SIAH2: variants seen among roughly 807,000 people sequenced by gnomAD.
SIAH2 encodes E3 ubiquitin-protein ligase SIAH2.
A neutral mutation model predicts 20.4 loss-of-function variants in SIAH2; 4 were observed. That is an observed-to-expected ratio of 0.20 (90% CI 0.10 to 0.45). The LOEUF (loss-of-function observed/expected upper bound fraction) is 0.45, where lower values mean the gene tolerates loss of function less well. Among genes scored for constraint, SIAH2 ranks in the 20% least tolerant of loss-of-function variants. The pLI is 0.99. For synonymous variants in SIAH2, 171 were observed against 192.5 expected, an observed-to-expected ratio of 0.89 and a Z score of 0.93; for missense variants, 259 against 440.3, an observed-to-expected ratio of 0.59 and a Z score of 3.69.
At position 150,762,680 on chromosome 3, in the gene SIAH2, C is replaced by A. The variant is rs1334752808; in HGVS notation, c.170G>T (p.Gly57Val). 18 of 1,392,626 alleles carry A rather than the reference C, an allele frequency of 1.3e-5. No individual in the cohort carries two copies. The highest frequency in any genetic ancestry group is 1.7e-5 in the Non-Finnish European group (18 of 1,071,998). 86.3% of individuals were successfully genotyped at this position (1,392,626 alleles called of 1,614,324 possible). ...GCCGGCCCCGCCGCCGCCGCCGGGG[C>A]CCGAGATCACCGCCGCCGCGGCGGG... ...AVPAAAAVIS[G>V]PGGGGGAGPV... Residue 57 changes from glycine to valine, a missense_variant, in exon 1 of 2, where the codon GGC becomes GTC. Gly to Val is a moderately radical substitution (Grantham distance 109). Transcript: ENST00000312960. The surrounding 1 kb of genome is among the most constrained non-coding windows in gnomAD (Gnocchi z 6.6).
chr3:150,750,879 G>C (rs1473522812), intron 1 of SIAH2, among the ~76,000 whole-genome samples: 1 of 152,170 alleles, frequency 6.6e-6, no homozygotes, highest in Non-Finnish European at 1.5e-5. Flanking sequence ...GTGTGACCTG[G>C]AGCCTACCAA....
intron 1 of SIAH2, among the ~76,000 whole-genome samples, chr3:150,761,531 C>T (rs1559939071): frequency 6.6e-6 from 1 of 152,174 alleles, no homozygotes; most frequent in Non-Finnish European, 1.5e-5. Context: ...TATTAAAAAA[C>T]CTCCCTGACA....
chr3:150,742,122 A>T lies in SIAH2; in HGVS notation c.*19T>A. 1 of 1,588,286 alleles carries T rather than the reference A, an allele frequency of 6.3e-7. No homozygotes were observed. Among genetic ancestry groups the T allele is most frequent in the Non-Finnish European group, 8.6e-7 (1 of 1,164,828 alleles). ...AGAGCACTATGCCCAAATAATTTTG[A>T]AGGTTTACGAAAGTCACATCATGGA... On this transcript the variant is annotated 3_prime_UTR_variant, in exon 2 of 2. Coordinates refer to ENST00000312960, the MANE Select transcript of SIAH2 (RefSeq NM_005067.7). This position sits in a 1 kb window ranked among gnomAD's most constrained non-coding sequence, Gnocchi z 4.8.
At chr3:150,750,320 G>T (rs912318619) in intron 1 of SIAH2, among the ~76,000 whole-genome samples, 1 of 152,166 alleles carries the variant, frequency 6.6e-6, no homozygotes, top group Non-Finnish European at 1.5e-5. Flanking sequence ...TTCATTGCCT[G>T]CTTCTTGCCC....
Position 150,741,798 on chromosome 3 carries a change from A to G in SIAH2, c.*343T>C, listed in dbSNP as rs1360087265. ...GTGCTTTTGTCAATGTCAAGGGACC[A>G]ATATGGGAAGGCAGGCAGGAAGGGG... On this transcript the variant is annotated 3_prime_UTR_variant, in exon 2 of 2. Coordinates refer to ENST00000312960, the MANE Select transcript of SIAH2 (RefSeq NM_005067.7). The G allele has an allele frequency of 1.5e-5, 3 of 201,148 alleles. No individual in the cohort carries two copies. The highest frequency in any genetic ancestry group is 3.0e-5 in the Non-Finnish European group (3 of 99,826). The allele number at this position is 201,148 out of a possible 1,614,324, so 12.5% of individuals were successfully genotyped here. A position where few individuals can be genotyped will look rare whatever the true frequency, so the allele number is the denominator to read the frequency against.
chr3:150,747,623 A>ACC (rs1194964987), intron 1 of SIAH2, among the ~76,000 whole-genome samples: 1 of 152,022 alleles, frequency 6.6e-6, no homozygotes, highest in Non-Finnish European at 1.5e-5. Context: ...ACACACACAC[A>ACC]CACTCTGAAA....
At chr3:150,754,804 T>C (rs1400428161) in intron 1 of SIAH2, among the ~76,000 whole-genome samples, 2 of 151,848 alleles carry the variant, frequency 1.3e-5, no homozygotes, top group African/African-American at 4.8e-5. Flanking sequence ...ATCTAACCAG[T>C]TTTCCCTCTC....
intron 1 of SIAH2, among the ~76,000 whole-genome samples, chr3:150,744,507 G>C (rs142609526): frequency 0.011 from 1,608 of 152,160 alleles, 28 homozygotes; most frequent in African/African-American, 0.037. Context: ...TACTTTATAA[G>C]GCCTGAAAAA....
chr3:150,763,063 GT>G lies in SIAH2; in HGVS notation c.-215del. 2 of 326,906 alleles carry G rather than the reference GT, an allele frequency of 6.1e-6. No individual in the cohort carries two copies. The highest frequency in any genetic ancestry group is 9.1e-6 in the Non-Finnish European group (2 of 219,388). 20.3% of individuals were successfully genotyped at this position (326,906 alleles called of 1,614,324 possible). On this transcript the variant is annotated 5_prime_UTR_variant, in exon 1 of 2. Coordinates refer to ENST00000312960, the MANE Select transcript of SIAH2 (RefSeq NM_005067.7). The surrounding 1 kb of genome is among the most constrained non-coding windows in gnomAD (Gnocchi z 4.1). ...CCCGGCGTTCCGAGCACGCCTCCGC[GT>G]CGGACCCCGCGCGGTGCCCTCCTCC... is the stretch of plus-strand genomic sequence containing the variant.
intron 1 of SIAH2, among the ~76,000 whole-genome samples, chr3:150,750,955 G>A (rs763481148): frequency 1.3e-5 from 2 of 152,210 alleles, no homozygotes; most frequent in Non-Finnish European, 2.9e-5. Context: ...AACAGTGGAA[G>A]AGTTGTAGAC....
chr3:150,743,406 A>T (rs1182517953), intron 1 of SIAH2, among the ~76,000 whole-genome samples: 2 of 152,252 alleles, frequency 1.3e-5, no homozygotes, highest in African/African-American at 4.8e-5. Context: ...ACTAACTCAG[A>T]AGACTACTGG....
At chr3:150,747,469 G>C (rs1037102449) in intron 1 of SIAH2, among the ~76,000 whole-genome samples, 6 of 152,212 alleles carry the variant, frequency 3.9e-5, no homozygotes, top group African/African-American at 1.2e-4. Flanking sequence ...TTGTTACTGA[G>C]AGAAGGCACC....
intron 1 of SIAH2, among the ~76,000 whole-genome samples, chr3:150,760,439 CCT>C (rs964889620): frequency 6.6e-5 from 10 of 152,146 alleles, no homozygotes; most frequent in African/African-American, 9.7e-5. Flanking sequence ...GCTGAGAACC[CCT>C]GATTCCCAGA....
intron 1 of SIAH2, among the ~76,000 whole-genome samples, chr3:150,753,946 A>G (rs1714426670): frequency 6.6e-6 from 1 of 152,228 alleles, no homozygotes; most frequent in Non-Finnish European, 1.5e-5. Flanking sequence ...TCTCAGTAAG[A>G]AAAGAGAATT....
At chr3:150,752,508 C>T (rs1714393449) in intron 1 of SIAH2, among the ~76,000 whole-genome samples, 1 of 152,104 alleles carries the variant, frequency 6.6e-6, no homozygotes, top group African/African-American at 2.4e-5. Flanking sequence ...AATCGGGAGG[C>T]TGAGGCATGA....
rs1714637409 is a variant in SIAH2 at position 150,762,355 on chromosome 3, C to T, written c.417+78G>A. 6.6e-7 allele frequency: 1 copy of T among 1,518,574 alleles called. No homozygotes were observed. The highest frequency in any genetic ancestry group is 8.8e-7 in the Non-Finnish European group (1 of 1,137,130). The allele number at this position is 1,518,574 out of a possible 1,614,324, so 94.1% of individuals were successfully genotyped here. On this transcript the variant is annotated intron_variant, in intron 1 of 1. Transcript: ENST00000312960. This position sits in a 1 kb window ranked among gnomAD's most constrained non-coding sequence, Gnocchi z 6.6. Reference sequence around the variant, plus strand: ...AAATGAGAGATGCCGCCCGCCTCTCCGGGCCTGCGAGTGGGCTGGCGGATA... The same window carrying T: ...AAATGAGAGATGCCGCCCGCCTCTCTGGGCCTGCGAGTGGGCTGGCGGATA...
In SIAH2 at chr3:150,762,264, A is replaced by G; in HGVS notation, c.417+169T>C. 8 of 1,342,008 alleles carry G rather than the reference A, an allele frequency of 6.0e-6. No individual in the cohort carries two copies. Among genetic ancestry groups the G allele is most frequent in the Non-Finnish European group, 7.9e-6 (8 of 1,013,620 alleles). 83.1% of individuals were successfully genotyped at this position (1,342,008 alleles called of 1,614,324 possible). A position where few individuals can be genotyped will look rare whatever the true frequency, so the allele number is the denominator to read the frequency against. The stretch of plus-strand genomic sequence containing the variant: ...TATTACTCGGTAAATGTCAACCCAG[A>G]CCTACACCCAAAGTGGGCTTGAGGG... On this transcript the variant is annotated intron_variant, in intron 1 of 1. Coordinates refer to ENST00000312960, the MANE Select transcript of SIAH2 (RefSeq NM_005067.7). This position sits in a 1 kb window ranked among gnomAD's most constrained non-coding sequence, Gnocchi z 6.6.
chr3:150,758,734 CTATT>C (rs1343346037), intron 1 of SIAH2, among the ~76,000 whole-genome samples: 2 of 141,872 alleles, frequency 1.4e-5, no homozygotes, highest in Non-Finnish European at 1.5e-5. Flanking sequence ...CCACACCTGG[CTATT>C]TTTTTTTTTT....
intron 1 of SIAH2, among the ~76,000 whole-genome samples, chr3:150,748,593 T>C (rs1348840134): frequency 6.6e-6 from 1 of 152,238 alleles, no homozygotes; most frequent in Non-Finnish European, 1.5e-5. Flanking sequence ...CCACACTGCC[T>C]AGACCGGCTT....
Sources: gnomAD v4.1 joint callset for allele counts (sites outside exome capture counted in the v4.1 genomes callset) on GRCh38, gnomAD v4.1.1 for gene constraint, Gnocchi (gnomAD v3.1) non-coding constraint, MANE v1.5 for transcripts, NCBI Gene and HGNC (gene_info 2026-07-23, HGNC 2026-07-21) for gene names.